Variants in SGCZ observed in about 807,000 individuals in gnomAD.
The protein encoded by SGCZ is zeta-sarcoglycan.
Under a neutral mutation model 41.3 loss-of-function variants are expected in SGCZ, and 40 were observed. That is an observed-to-expected ratio of 0.97 (90% CI 0.75 to 1.26). The LOEUF is 1.26. Among genes scored for constraint, SGCZ ranks in the 50% most tolerant of loss-of-function variants. The pLI is 0.00. For synonymous variants in SGCZ, 206 were observed against 137.5 expected, an observed-to-expected ratio of 1.50 and a Z score of -3.49; for missense variants, 552 against 369.8, an observed-to-expected ratio of 1.49 and a Z score of -4.04.
intron 1 of SGCZ, among the ~76,000 whole-genome samples, chr8:14,730,052 C>T (rs1810185225): frequency 6.6e-6 from 1 of 152,140 alleles, no homozygotes; most frequent in South Asian, 2.1e-4. Flanking sequence ...TGCCAGGGCA[C>T]TAGAGCCTGG....
At chr8:14,624,564 T>A (rs76310474) in intron 1 of SGCZ, among the ~76,000 whole-genome samples, 11,850 of 40,656 alleles carry the variant, frequency 0.29, 676 homozygotes, top group South Asian at 0.33. Flanking sequence ...TATTTTTTTT[T>A]TTTTTTTTTT....
intron 1 of SGCZ, among the ~76,000 whole-genome samples, chr8:14,776,933 T>C (rs889782127): frequency 1.3e-5 from 2 of 152,220 alleles, no homozygotes; most frequent in Non-Finnish European, 2.9e-5. Flanking sequence ...ATGTATACCA[T>C]GGTAAAAGAC....
At chr8:14,826,257 A>G (rs2130585016) in intron 1 of SGCZ, among the ~76,000 whole-genome samples, 1 of 152,274 alleles carries the variant, frequency 6.6e-6, no homozygotes, top group South Asian at 2.1e-4. Flanking sequence ...TACAAAGGAT[A>G]TGAACTCTTC....
intron 5 of SGCZ, among the ~76,000 whole-genome samples, chr8:14,129,000 A>G (rs974036775): frequency 3.3e-5 from 5 of 152,098 alleles, no homozygotes; most frequent in Non-Finnish European, 5.9e-5. Flanking sequence ...TTTAGGTTAT[A>G]TGAGTACGCT....
At chr8:15,046,781 T>A (rs955884731) in intron 1 of SGCZ, among the ~76,000 whole-genome samples, 2 of 152,056 alleles carry the variant, frequency 1.3e-5, no homozygotes, top group Non-Finnish European at 2.9e-5. Context: ...AAATGTCTGA[T>A]GCTAATACTG....
At chr8:14,400,322 C>A (rs1348635702) in intron 2 of SGCZ, among the ~76,000 whole-genome samples, 2 of 152,204 alleles carry the variant, frequency 1.3e-5, no homozygotes, top group South Asian at 4.1e-4. Context: ...TACAAGCATG[C>A]ATGAACAAGA....
chr8:14,178,417 T>C (rs1200549164), intron 4 of SGCZ, among the ~76,000 whole-genome samples: 1 of 152,226 alleles, frequency 6.6e-6, no homozygotes, highest in Non-Finnish European at 1.5e-5. Context: ...AGATTACCTA[T>C]TGAGGCTAGC....
Position 14,159,646 on chromosome 8 carries a change from C to T in SGCZ, c.547+4934G>A, listed in dbSNP as rs146082805. Reference sequence around the variant, plus strand: ...TTCAGCAGAGAAAATGAAGTGATTGCACGTTCCTTTTCTCAGCACCTAATC... The same window carrying T: ...TTCAGCAGAGAAAATGAAGTGATTGTACGTTCCTTTTCTCAGCACCTAATC... On this transcript the variant is annotated intron_variant, in intron 5 of 7. Transcript: ENST00000382080. Among the ~76,000 whole-genome samples the T allele has an allele frequency of 4.4e-3, 673 of 152,232 alleles. 2 individuals carry two copies. The highest frequency in any genetic ancestry group is 7.8e-3 in the Non-Finnish European group (528 of 67,998).
chr8:14,411,022 C>T (rs112382836), intron 2 of SGCZ, among the ~76,000 whole-genome samples: 4,016 of 152,090 alleles, frequency 0.026, 79 homozygotes, highest in Non-Finnish European at 0.039. Flanking sequence ...CTCTTTGAAA[C>T]AATTACAATT....
intron 5 of SGCZ, among the ~76,000 whole-genome samples, chr8:14,135,373 C>T (rs1803164221): frequency 6.6e-6 from 1 of 152,152 alleles, no homozygotes; most frequent in Non-Finnish European, 1.5e-5. Context: ...GCAGAAATAT[C>T]ATAGGCATGC....
At chr8:14,304,205 G>A (rs930050626) in intron 3 of SGCZ, among the ~76,000 whole-genome samples, 1 of 152,084 alleles carries the variant, frequency 6.6e-6, no homozygotes, top group Non-Finnish European at 1.5e-5. Flanking sequence ...CACTCTAGGA[G>A]GCTGAGGCAG....
At chr8:14,120,403 A>G (rs1802661895) in intron 5 of SGCZ, among the ~76,000 whole-genome samples, 1 of 152,160 alleles carries the variant, frequency 6.6e-6, no homozygotes, top group African/African-American at 2.4e-5. Context: ...AACCTCTATC[A>G]ACATCAAACT....
intron 4 of SGCZ, among the ~76,000 whole-genome samples, chr8:14,208,534 A>G (rs1485428368): frequency 1.3e-5 from 2 of 152,238 alleles, no homozygotes; most frequent in African/African-American, 2.4e-5. Flanking sequence ...ATGAAAATAC[A>G]CAAAGATATG....
chr8:14,590,164 T>C (rs561514746), intron 1 of SGCZ, among the ~76,000 whole-genome samples: 3 of 152,252 alleles, frequency 2.0e-5, no homozygotes, highest in South Asian at 2.1e-4. Context: ...TTCAAAAATA[T>C]GCTATGGACA....
intron 3 of SGCZ, among the ~76,000 whole-genome samples, chr8:14,318,119 T>C (rs755847152): frequency 6.6e-6 from 1 of 151,634 alleles, no homozygotes; most frequent in Non-Finnish European, 1.5e-5. Context: ...AATAAAAATA[T>C]GACTATTCCA....
chr8:14,904,328 T>C (rs1164561965), intron 1 of SGCZ, among the ~76,000 whole-genome samples: 1 of 152,086 alleles, frequency 6.6e-6, no homozygotes, highest in Non-Finnish European at 1.5e-5. Context: ...AATGTTTTGG[T>C]ATAAATATCA....
chr8:14,678,487 T>G (rs976549429), intron 1 of SGCZ, among the ~76,000 whole-genome samples: 4 of 152,180 alleles, frequency 2.6e-5, no homozygotes, highest in African/African-American at 7.2e-5. Context: ...AACAATGATA[T>G]GCCACTAAGA....
chr8:15,094,724 T>C (rs1451288329), intron 1 of SGCZ, among the ~76,000 whole-genome samples: 2 of 152,106 alleles, frequency 1.3e-5, no homozygotes, highest in Admixed American at 1.3e-4. Flanking sequence ...GTGAAGATAA[T>C]TGAATCATGG....
intron 1 of SGCZ, among the ~76,000 whole-genome samples, chr8:15,102,109 C>G (rs1316864005): frequency 6.6e-6 from 1 of 152,170 alleles, no homozygotes; most frequent in Non-Finnish European, 1.5e-5. Context: ...ACCTGCACAA[C>G]AGTATTTATA....
Sources: gnomAD v4.1 joint callset for allele counts (sites outside exome capture counted in the v4.1 genomes callset) on GRCh38, gnomAD v4.1.1 for gene constraint, MANE v1.5 for transcripts, NCBI Gene and HGNC (gene_info 2026-07-23, HGNC 2026-07-21) for gene names.